KIF27: variants seen among roughly 807,000 people sequenced by gnomAD.
KIF27 encodes kinesin-like protein KIF27.
In KIF27, 84 loss-of-function variants were observed where a neutral mutation model predicts 141.8. That is an observed-to-expected ratio of 0.59 (90% confidence interval 0.50 to 0.71). The LOEUF is 0.71. KIF27 is among the 30% of genes least tolerant of loss of function. The probability of loss-of-function intolerance (pLI) is 0.00; values close to 1 mark genes in which losing one functional copy is unlikely to be tolerated. For missense variants in KIF27, 1,306 were observed against 1,628.4 expected (o/e 0.80, Z 3.41); for synonymous variants, 471 against 569.5 (o/e 0.83, Z 2.46).
At chr9:83,910,653 C>A (rs1190436729) in intron 2 of KIF27, among the ~76,000 whole-genome samples, 1 of 152,186 alleles carries the variant, frequency 6.6e-6, no homozygotes, top group East Asian at 1.9e-4. Flanking sequence ...CAGGCCTAGA[C>A]CCTCAGTTCA....
chr9:83,870,439 T>G (rs1950680117), intron 12 of KIF27, 80 bp downstream of exon 12: 1 of 1,568,490 alleles, frequency 6.4e-7, no homozygotes, highest in Non-Finnish European at 8.7e-7. Context: ...AGTGCTAGGA[T>G]TACAGGTGTG....
chr9:83,865,758 C>CT (rs1159774339), intron 13 of KIF27, among the ~76,000 whole-genome samples: 1 of 151,616 alleles, frequency 6.6e-6, no homozygotes, highest in Non-Finnish European at 1.5e-5. Context: ...TTATTTTTTC[C>CT]TTTTGTTTTG....
At chr9:83,853,969 T>A (rs1348140930) in intron 14 of KIF27, 134 bp from the exon 15 acceptor site, 5 of 669,910 alleles carry the variant, frequency 7.5e-6, no homozygotes, top group Non-Finnish European at 1.3e-5. Flanking sequence ...AAAATGTTTT[T>A]TGAGCGCTTG....
Position 83,903,835 on chromosome 9 carries a change from C to A in KIF27, c.683G>T (p.Gly228Val). 6.2e-7 allele frequency: 1 copy of A among 1,614,180 alleles called. No individual in the cohort carries two copies. ...AATATGCCGAGGGGAATACCATGAT[C>A]CATCTTCAGCTGCCTCCATATTTTT... ...VHKNMEAAED[G>V]SWYSPRHIVS... The change falls in exon 4 of 18, where the codon GGA becomes GTA. Residue 228 changes from glycine to valine, a missense_variant. By Grantham distance (109) the Gly-to-Val change is moderately radical (BLOSUM62 -3). Transcript: ENST00000297814.
intron 11 of KIF27, among the ~76,000 whole-genome samples, chr9:83,877,179 A>G (rs1001969404): frequency 1.3e-5 from 2 of 152,212 alleles, no homozygotes; most frequent in Non-Finnish European, 1.5e-5. Flanking sequence ...CTCTTCACAT[A>G]GTTAGCATTT....
intron 3 of KIF27, among the ~76,000 whole-genome samples, chr9:83,908,006 G>T (rs1263611584): frequency 6.6e-6 from 1 of 152,210 alleles, no homozygotes; most frequent in African/African-American, 2.4e-5. Context: ...GCTCACGCCT[G>T]TAATCCCAGC....
rs1588328337 is a variant in KIF27 at position 83,914,489 on chromosome 9, AT to A, written c.298+804del. ...AGAAGTTTCTTTTTTAAAATTTTTT[AT>A]TTTTTTATTGTTTCAGCTCATATCT... On this transcript the variant is annotated intron_variant, in intron 2 of 17. Transcript: ENST00000297814. 2.6e-5 allele frequency among the ~76,000 whole-genome samples: 4 copies of A among 152,084 alleles called. No individual in the cohort carries two copies. In the South Asian group the frequency reaches 8.3e-4, roughly 32 times the overall value.
chr9:83,911,761 C>T (rs1001292173), intron 2 of KIF27, among the ~76,000 whole-genome samples: 1 of 152,134 alleles, frequency 6.6e-6, no homozygotes, highest in African/African-American at 2.4e-5. Flanking sequence ...CCAGGCTGAT[C>T]TCAAACTCCT....
intron 13 of KIF27, among the ~76,000 whole-genome samples, chr9:83,865,424 G>T (rs542588386): frequency 6.6e-6 from 1 of 151,998 alleles, no homozygotes; most frequent in Non-Finnish European, 1.5e-5. Flanking sequence ...CAGCTCCCAA[G>T]TACCTGGGAT....
intron 14 of KIF27, among the ~76,000 whole-genome samples, chr9:83,855,458 A>G (rs1949091216): frequency 6.6e-6 from 1 of 152,240 alleles, no homozygotes; most frequent in Non-Finnish European, 1.5e-5. Context: ...GAATAAAATA[A>G]TATTCACCTT....
At chr9:83,915,257 C>A (rs1554687572) in intron 2 of KIF27, 37 bp downstream of exon 2, 10 of 1,536,146 alleles carry the variant, frequency 6.5e-6, no homozygotes, top group Admixed American at 2.1e-5. Flanking sequence ...TTCTTTCTAG[C>A]GTCACAAATA....
rs1356292636 is a variant in KIF27 at position 83,899,837 on chromosome 9, C to T, written c.1459-33G>A. ...GGAAAGAAAGCACAAGTGACATTCA[C>T]CACAGAAAATAATCAAGAAACCCCA... On this transcript the variant is annotated intron_variant, in intron 4 of 17. Coordinates refer to ENST00000297814, the MANE Select transcript of KIF27 (RefSeq NM_017576.4). 14 of 1,570,878 alleles carry T rather than the reference C, an allele frequency of 8.9e-6. No homozygotes were observed. In the Admixed American group the frequency reaches 2.5e-4, roughly 28 times the overall value.
At chr9:83,869,125 A>G (rs1170163986) in intron 12 of KIF27, among the ~76,000 whole-genome samples, 1 of 152,178 alleles carries the variant, frequency 6.6e-6, no homozygotes, top group Non-Finnish European at 1.5e-5. Context: ...TGGTGATGAC[A>G]TTTCTGGGTG....
chr9:83,884,048 T>C (rs750804664), intron 9 of KIF27, 30 bp from the exon 10 acceptor site: 3 of 1,407,454 alleles, frequency 2.1e-6, no homozygotes, highest in Non-Finnish European at 2.9e-6. Context: ...ATTATTAGTA[T>C]AAATTATGTA....
chr9:83,842,180 T>G, intron 17 of KIF27, 57 bp downstream of exon 17: 2 of 1,448,138 alleles, frequency 1.4e-6, no homozygotes, highest in Non-Finnish European at 1.8e-6. Context: ...AAAGCTGGCA[T>G]GACTTCACCA....
chr9:83,876,173 C>T (rs907599670), intron 11 of KIF27, among the ~76,000 whole-genome samples: 5 of 151,992 alleles, frequency 3.3e-5, no homozygotes, highest in African/African-American at 1.2e-4. Flanking sequence ...ATGGGAGTTC[C>T]TCATGGCTCT....
chr9:83,907,886 A>G (rs1009338765), intron 3 of KIF27, among the ~76,000 whole-genome samples: 13 of 152,228 alleles, frequency 8.5e-5, no homozygotes, highest in African/African-American at 3.1e-4. Flanking sequence ...GGAAACAATG[A>G]TAGGAAATCA....
chr9:83,880,662 A>G (rs981069067), intron 10 of KIF27, among the ~76,000 whole-genome samples, 168 bp from the exon 11 acceptor site: 14 of 152,198 alleles, frequency 9.2e-5, no homozygotes, highest in African/African-American at 3.4e-4. Flanking sequence ...CATTTTTGCA[A>G]TTAGGGAAAC....
At chr9:83,893,445 CAG>C (rs1952869935) in intron 5 of KIF27, among the ~76,000 whole-genome samples, 1 of 151,826 alleles carries the variant, frequency 6.6e-6, no homozygotes, top group Non-Finnish European at 1.5e-5. Context: ...GGACTGAAAT[CAG>C]AGATAGTATG....
Sources: gnomAD v4.1 joint callset for allele counts (sites outside exome capture counted in the v4.1 genomes callset) on GRCh38, gnomAD v4.1.1 for gene constraint, MANE v1.5 for transcripts, NCBI Gene and HGNC (gene_info 2026-07-23, HGNC 2026-07-21) for gene names.